Variants in AFF3 observed in about 807,000 individuals in gnomAD.
AFF3 encodes the protein ALF transcription elongation factor 3.
A neutral mutation model predicts 129.7 loss-of-function variants in AFF3; 32 were observed. The observed-to-expected ratio is 0.25, with a 90% CI of 0.19 to 0.33. The LOEUF is 0.33. AFF3 is among the 10% of genes least tolerant of loss of function. The pLI is 1.00. For synonymous variants in AFF3, 644 were observed against 635.4 expected (o/e 1.01, Z -0.20); for missense variants, 1,373 against 1,592.0 (o/e 0.86, Z 2.34).
intron 7 of AFF3, among the ~76,000 whole-genome samples, chr2:99,975,513 G>A (rs1285295460): frequency 6.6e-6 from 1 of 152,120 alleles, no homozygotes; most frequent in East Asian, 1.9e-4. Context: ...CATTTCCTAT[G>A]ACATTTTGCC....
At chr2:100,087,090 GTGT>G (rs1309812923) in intron 4 of AFF3, among the ~76,000 whole-genome samples, 2 of 152,064 alleles carry the variant, frequency 1.3e-5, no homozygotes, top group East Asian at 3.9e-4. Flanking sequence ...GTGTGGGTGT[GTGT>G]TGTTTACTGT....
chr2:100,063,211 A>C (rs891857872), intron 4 of AFF3, among the ~76,000 whole-genome samples: 4 of 139,696 alleles, frequency 2.9e-5, no homozygotes, highest in Non-Finnish European at 6.0e-5. Context: ...AGATCGCGCC[A>C]CTGCATTCCA....
At chr2:100,067,391 C>T (rs1687818101) in intron 4 of AFF3, among the ~76,000 whole-genome samples, 1 of 152,170 alleles carries the variant, frequency 6.6e-6, no homozygotes, top group Non-Finnish European at 1.5e-5. Context: ...TGAGTGTACA[C>T]ATGTGTGCAC....
chr2:99,895,787 G>A (rs140736229), intron 7 of AFF3, among the ~76,000 whole-genome samples: 5 of 152,284 alleles, frequency 3.3e-5, no homozygotes, highest in East Asian at 1.9e-4. Context: ...AAGCTGTCTC[G>A]GATGGGCGTG....
At chr2:99,768,773 T>A (rs1199280779) in intron 8 of AFF3, among the ~76,000 whole-genome samples, 1 of 152,234 alleles carries the variant, frequency 6.6e-6, no homozygotes, top group Non-Finnish European at 1.5e-5. Flanking sequence ...TACACTATTC[T>A]GGGGTAAAAG....
intron 7 of AFF3, among the ~76,000 whole-genome samples, chr2:99,855,254 A>G (rs879530157): frequency 8.5e-5 from 13 of 152,222 alleles, no homozygotes; most frequent in Non-Finnish European, 1.0e-4. Context: ...TGATGGTTGC[A>G]TAAGTCTGAA....
intron 7 of AFF3, among the ~76,000 whole-genome samples, chr2:99,953,015 G>T (rs1408143450): frequency 6.6e-6 from 1 of 152,236 alleles, no homozygotes; most frequent in Non-Finnish European, 1.5e-5. Flanking sequence ...CATGGTGCCT[G>T]AGGTCCAGTA....
chr2:100,067,005 C>T (rs1049073348), intron 4 of AFF3, among the ~76,000 whole-genome samples: 2 of 152,128 alleles, frequency 1.3e-5, no homozygotes, highest in Non-Finnish European at 2.9e-5. Context: ...ACACAACCTG[C>T]AGAAAATGTC....
At chr2:100,056,063 TCACACACACACACACA>T (rs369771394) in intron 4 of AFF3, among the ~76,000 whole-genome samples, 1 of 120,570 alleles carries the variant, frequency 8.3e-6, no homozygotes, top group East Asian at 2.4e-4. Context: ...TGTCTCTCTC[TCACACACACACACACA>T]CACACACACA....
chr2:99,564,602 C>T (rs1044759627), intron 20 of AFF3, among the ~76,000 whole-genome samples: 4 of 152,058 alleles, frequency 2.6e-5, no homozygotes, highest in African/African-American at 9.7e-5. Context: ...AAACTATTTA[C>T]TGAGGGAAAG....
chr2:100,085,700 T>C (rs539365355), intron 4 of AFF3, among the ~76,000 whole-genome samples: 2 of 151,892 alleles, frequency 1.3e-5, no homozygotes, highest in African/African-American at 4.8e-5. Context: ...TTGAGGGAGG[T>C]GGGCTGGAAA....
chr2:100,078,306 T>C (rs931653051), intron 4 of AFF3, among the ~76,000 whole-genome samples: 3 of 152,260 alleles, frequency 2.0e-5, no homozygotes, highest in Non-Finnish European at 2.9e-5. Context: ...TCAAGGTCTA[T>C]GAATTTCATC....
At chr2:99,615,549 G>C (rs1314542169) in intron 13 of AFF3, among the ~76,000 whole-genome samples, 2 of 152,252 alleles carry the variant, frequency 1.3e-5, no homozygotes, top group Non-Finnish European at 2.9e-5. Context: ...CTGCCATGTG[G>C]CCTGGGCCCA....
At chr2:99,942,711 T>C (rs1675174437) in intron 7 of AFF3, among the ~76,000 whole-genome samples, 3 of 151,758 alleles carry the variant, frequency 2.0e-5, no homozygotes, top group Admixed American at 2.0e-4. Context: ...TGTGGGGAAA[T>C]GGAGAAGTCA....
intron 7 of AFF3, among the ~76,000 whole-genome samples, chr2:99,902,418 G>A (rs1326020012): frequency 2.6e-5 from 4 of 151,982 alleles, no homozygotes; most frequent in South Asian, 2.1e-4. Flanking sequence ...AACACACACC[G>A]CGCACTCACT....
intron 11 of AFF3, among the ~76,000 whole-genome samples, chr2:99,714,185 G>T (rs551209258): frequency 4.6e-5 from 7 of 152,136 alleles, no homozygotes; most frequent in East Asian, 3.9e-4. Flanking sequence ...ATGCCTAATC[G>T]CCCTCTCAGG....
chr2:99,646,480 T>A (rs967061073), intron 13 of AFF3, among the ~76,000 whole-genome samples: 1 of 152,144 alleles, frequency 6.6e-6, no homozygotes, highest in Non-Finnish European at 1.5e-5. Context: ...TGAAATTTTA[T>A]ATAAAGAGGT....
At position 99,593,758 on chromosome 2, in the gene AFF3, C is replaced by T. The variant is rs1208768315; in HGVS notation, c.1903G>A (p.Ala635Thr). 1 of 1,612,760 alleles carries T rather than the reference C, an allele frequency of 6.2e-7. No homozygotes were observed. The highest frequency in any genetic ancestry group is 1.1e-5 in the South Asian group (1 of 91,048). Residue 635 changes from alanine (A) to threonine (T), a missense_variant, in exon 15 of 25, where the codon GCG becomes ACG. Ala to Thr is a moderately conservative substitution (Grantham distance 58). Transcript: ENST00000672756. Reference sequence around the variant, plus strand: ...GAGCGCAGCTCCTTGCGGTGGCTCGCTCTGTTGTTGCCACAGGGCCTGGTT... The same window carrying T: ...GAGCGCAGCTCCTTGCGGTGGCTCGTTCTGTTGTTGCCACAGGGCCTGGTT... ...TKTRPCGNNR[A>T]SHRKELRSSV...
intron 12 of AFF3, among the ~76,000 whole-genome samples, chr2:99,669,872 C>T (rs1686999041): frequency 6.6e-6 from 1 of 152,138 alleles, no homozygotes; most frequent in South Asian, 2.1e-4. Flanking sequence ...ATCACTTGAA[C>T]CTGGGAGGCG....
Sources: gnomAD v4.1 joint callset for allele counts (sites outside exome capture counted in the v4.1 genomes callset) on GRCh38, gnomAD v4.1.1 for gene constraint, MANE v1.5 for transcripts, NCBI Gene and HGNC (gene_info 2026-07-23, HGNC 2026-07-21) for gene names.